EPB41: variants seen among roughly 807,000 people sequenced by gnomAD.
EPB41 encodes the protein protein 4.1.
Under a neutral mutation model 108.0 loss-of-function variants are expected in EPB41, and 65 were observed. That is an observed-to-expected ratio of 0.60 (90% confidence interval 0.49 to 0.74). The LOEUF is 0.74. Among genes scored for constraint, EPB41 ranks in the 30% least tolerant of loss-of-function variants. EPB41 has a pLI of 0.00. For synonymous variants in EPB41, 336 were observed against 358.9 expected, an observed-to-expected ratio of 0.94 and a Z score of 0.72; for missense variants, 875 against 1,037.0, an observed-to-expected ratio of 0.84 and a Z score of 2.15.
intron 1 of EPB41, among the ~76,000 whole-genome samples, chr1:28,899,202 T>A (rs1488912434): frequency 6.6e-6 from 1 of 152,192 alleles, no homozygotes; most frequent in Non-Finnish European, 1.5e-5. Flanking sequence ...TTTTCTGCAC[T>A]GTAGAGTGGC....
chr1:28,956,843 T>C (rs1357336060), intron 1 of EPB41, among the ~76,000 whole-genome samples: 1 of 152,172 alleles, frequency 6.6e-6, no homozygotes, highest in African/African-American at 2.4e-5. Context: ...CATGAAATAA[T>C]AGAGGACACA....
chr1:28,944,659 C>T (rs868679284), intron 1 of EPB41, among the ~76,000 whole-genome samples: 1 of 151,384 alleles, frequency 6.6e-6, no homozygotes, highest in South Asian at 2.1e-4. Context: ...GCCTCAGCCT[C>T]CCGAGTAGCT....
chr1:28,967,246 C>T (rs1168538067), intron 1 of EPB41, among the ~76,000 whole-genome samples: 1 of 152,124 alleles, frequency 6.6e-6, no homozygotes, highest in Non-Finnish European at 1.5e-5. Context: ...TCTCGATTTC[C>T]TGACCTCGTG....
intron 1 of EPB41, among the ~76,000 whole-genome samples, chr1:28,901,757 C>T (rs1204407127): frequency 6.6e-6 from 1 of 152,022 alleles, no homozygotes. Flanking sequence ...TGGTCTCGAA[C>T]TCCTGACCTC....
rs1663652746 is a variant in EPB41, at chr1:29,097,552, T to C, written c.2185-255T>C. ...TGTTTTATATCACCAATCATAACTG[T>C]CTGCTCTTACAGCTTTCCATTAAGC... On this transcript the variant is annotated intron_variant, in intron 16 of 20. Transcript: ENST00000343067. 9.7e-6 allele frequency: 5 copies of C among 514,974 alleles called. No individual in the cohort carries two copies. In the South Asian group the frequency reaches 1.0e-4, roughly 11 times the overall value. The allele number at this position is 514,974 out of a possible 1,614,324, so 31.9% of individuals were successfully genotyped here. A position where few individuals can be genotyped will look rare whatever the true frequency, so the allele number is the denominator to read the frequency against.
intron 16 of EPB41, chr1:29,070,595 T>G (rs771108354): frequency 2.3e-5 from 28 of 1,232,024 alleles, no homozygotes; most frequent in Non-Finnish European, 2.7e-5. Flanking sequence ...GTTGGCTGTT[T>G]GGTGGTTGGT....
intron 16 of EPB41, among the ~76,000 whole-genome samples, chr1:29,079,491 A>G (rs1655524167): frequency 6.7e-6 from 1 of 150,004 alleles, no homozygotes; most frequent in African/African-American, 2.5e-5. Flanking sequence ...GATCTCGGCA[A>G]CCTCCACTTC....
chr1:28,980,104 G>A (rs552907405), intron 1 of EPB41, among the ~76,000 whole-genome samples: 6 of 152,220 alleles, frequency 3.9e-5, no homozygotes, highest in African/African-American at 9.6e-5. Context: ...AGGCCAAGAC[G>A]GGAAGATCAC....
intron 17 of EPB41, among the ~76,000 whole-genome samples, chr1:29,106,563 G>GTTTTTTTTTT (rs1558324414): frequency 5.4e-5 from 2 of 37,146 alleles, no homozygotes; most frequent in Non-Finnish European, 1.4e-4. Context: ...GAGTAGCTGG[G>GTTTTTTTTTT]ATTTTTTTTT....
At chr1:28,958,760 A>G (rs1398687692) in intron 1 of EPB41, among the ~76,000 whole-genome samples, 1 of 143,430 alleles carries the variant, frequency 7.0e-6, no homozygotes, top group Non-Finnish European at 1.5e-5. Flanking sequence ...TGAAGGCTGC[A>G]GTGAGCCATA....
chr1:29,085,799 G>A (rs542576236), intron 16 of EPB41, among the ~76,000 whole-genome samples: 6 of 152,064 alleles, frequency 3.9e-5, no homozygotes, highest in East Asian at 1.9e-4. Flanking sequence ...CAATCTGCCC[G>A]CCTCGTCCTC....
intron 16 of EPB41, among the ~76,000 whole-genome samples, chr1:29,089,025 A>C (rs947152051): frequency 4.6e-5 from 7 of 152,202 alleles, no homozygotes; most frequent in Non-Finnish European, 4.4e-5. Context: ...TGTCATGGGA[A>C]GAAGATGGGC....
chr1:29,034,673 C>T (rs1408850630), intron 9 of EPB41, among the ~76,000 whole-genome samples: 1 of 151,956 alleles, frequency 6.6e-6, no homozygotes, highest in Non-Finnish European at 1.5e-5. Context: ...TCTAGTAACC[C>T]TGGGAGAATA....
At chr1:28,989,731 G>C (rs12021646) in intron 2 of EPB41, among the ~76,000 whole-genome samples, 46,338 of 152,084 alleles carry the variant, frequency 0.3, 8,856 homozygotes, top group Non-Finnish European at 0.41. Flanking sequence ...TCGAAGAAAA[G>C]TGACACTTTT....
At chr1:29,044,767 G>C (rs973346076) in intron 11 of EPB41, among the ~76,000 whole-genome samples, 5 of 152,178 alleles carry the variant, frequency 3.3e-5, no homozygotes, top group African/African-American at 1.2e-4. Context: ...CAGGAGAATC[G>C]CTTGACCCCA....
chr1:28,951,960 T>C (rs1276110180), intron 1 of EPB41, among the ~76,000 whole-genome samples: 1 of 152,206 alleles, frequency 6.6e-6, no homozygotes, highest in African/African-American at 2.4e-5. Context: ...GTGTTACTGT[T>C]TGATCTTGAT....
At chr1:28,974,800 GT>G (rs548377174) in intron 1 of EPB41, among the ~76,000 whole-genome samples, 34 of 143,802 alleles carry the variant, frequency 2.4e-4, no homozygotes, top group Middle Eastern at 3.5e-3. Flanking sequence ...TTTTGTTTTT[GT>G]TTTTTTTTTT....
chr1:29,021,470 T>A (rs2096644222), intron 7 of EPB41, among the ~76,000 whole-genome samples: 1 of 152,204 alleles, frequency 6.6e-6, no homozygotes, highest in Non-Finnish European at 1.5e-5. Context: ...ATATTCTGTG[T>A]GATTAGATGG....
intron 1 of EPB41, among the ~76,000 whole-genome samples, chr1:28,926,194 A>AAG (rs2093436202): frequency 6.6e-6 from 1 of 152,194 alleles, no homozygotes; most frequent in South Asian, 2.1e-4. Flanking sequence ...AAAAAAAAAA[A>AAG]AAAATACAAA....
Sources: allele counts gnomAD v4.1 joint callset (sites outside exome capture counted in the v4.1 genomes callset), GRCh38; gene constraint gnomAD v4.1.1; transcripts MANE v1.5; gene names NCBI Gene and HGNC (gene_info 2026-07-23, HGNC 2026-07-21).